The following NRCAM variants were observed in gnomAD, a reference collection of about 807,000 sequenced individuals.
The protein encoded by NRCAM is NgCAM-related cell adhesion molecule.
NRCAM carries 83 observed loss-of-function variants against 156.5 expected under a neutral mutation model. The ratio of observed to expected loss-of-function variants is 0.53; its 90% confidence interval spans 0.44 to 0.64. The LOEUF (loss-of-function observed/expected upper bound fraction) is 0.64, where lower values mean the gene tolerates loss of function less well. Among genes scored for constraint, NRCAM ranks in the 30% least tolerant of loss-of-function variants. NRCAM has a pLI of 0.00. For missense variants in NRCAM, 1,417 were observed against 1,597.3 expected, an observed-to-expected ratio of 0.89 and a Z score of 1.92; for synonymous variants, 538 against 563.9, an observed-to-expected ratio of 0.95 and a Z score of 0.65.
intron 2 of NRCAM, among the ~76,000 whole-genome samples, chr7:108,331,373 C>A (rs923555538): frequency 6.6e-6 from 1 of 151,902 alleles, no homozygotes; most frequent in African/African-American, 2.4e-5. Flanking sequence ...TGTACTCCAT[C>A]CTGGGCAACA....
intron 2 of NRCAM, 98 bp from the exon 3 acceptor site, chr7:108,312,829 G>A (rs2154184632): frequency 6.6e-6 from 1 of 152,208 alleles, no homozygotes; most frequent in South Asian, 2.1e-4. Flanking sequence ...TCTCTTATGG[G>A]AAACACAATT....
chr7:108,298,771 G>C (rs1399186814), intron 3 of NRCAM, among the ~76,000 whole-genome samples: 1 of 151,552 alleles, frequency 6.6e-6, no homozygotes, highest in Non-Finnish European at 1.5e-5. Flanking sequence ...TCCTTCCTTT[G>C]TCTCTCTTCA....
intron 1 of NRCAM, among the ~76,000 whole-genome samples, chr7:108,422,632 A>C (rs1396757249): frequency 6.6e-6 from 1 of 152,172 alleles, no homozygotes; most frequent in Non-Finnish European, 1.5e-5. Flanking sequence ...CTCAATCAAA[A>C]AGAAAAGGGC....
intron 2 of NRCAM, among the ~76,000 whole-genome samples, chr7:108,343,979 G>A (rs2099323754): frequency 6.6e-6 from 1 of 152,168 alleles, no homozygotes; most frequent in African/African-American, 2.4e-5. Flanking sequence ...CCATGACTAA[G>A]ATCTACCATG....
chr7:108,355,036 T>C lies in NRCAM; in HGVS notation c.-173-42305A>G, dbSNP rs144289021. On this transcript the variant is annotated intron_variant, in intron 2 of 32. Transcript: ENST00000379028. ...CTATTGTGTAGAAAATTATAAACTT[T>C]TATTGAAGGGTTTTAGAGAGCTCTG... Among the ~76,000 whole-genome samples, 314 of 152,326 alleles carry C rather than the reference T, an allele frequency of 2.1e-3. 1 individual carries two copies. Among genetic ancestry groups the C allele is most frequent in the African/African-American group, 7.2e-3 (300 of 41,568 alleles).
At chr7:108,244,017 C>T (rs1364780417) in intron 3 of NRCAM, among the ~76,000 whole-genome samples, 4 of 152,190 alleles carry the variant, frequency 2.6e-5, no homozygotes, top group Non-Finnish European at 4.4e-5. Flanking sequence ...AAAGGATTCA[C>T]ATCAAGCCTG....
At chr7:108,270,244 A>G (rs186084338) in intron 3 of NRCAM, among the ~76,000 whole-genome samples, 1 of 152,236 alleles carries the variant, frequency 6.6e-6, no homozygotes, top group East Asian at 1.9e-4. Flanking sequence ...TTTCTGGTAC[A>G]TCCTGGATTC....
rs181917438 is a variant in NRCAM, at chr7:108,221,370, G to C, written c.890+2355C>G. On this transcript the variant is annotated intron_variant, in intron 11 of 32. Coordinates refer to ENST00000379028, the MANE Select transcript of NRCAM (RefSeq NM_001037132.4). ...TGGGTATCTACCCAGAGGAAAAGAA[G>C]TCATTATACAGAAAAGATACTTGCA... Among the ~76,000 whole-genome samples, 86 of 152,232 alleles carry C rather than the reference G, an allele frequency of 5.6e-4. 1 individual carries two copies. Among genetic ancestry groups the C allele is most frequent in the Non-Finnish European group, 8.2e-4 (56 of 68,010 alleles).
intron 8 of NRCAM, among the ~76,000 whole-genome samples, chr7:108,226,918 C>T (rs1295417160): frequency 6.6e-6 from 1 of 152,144 alleles, no homozygotes; most frequent in Non-Finnish European, 1.5e-5. Flanking sequence ...AATCAGGCAG[C>T]AAATGGCCAG....
chr7:108,212,566 A>G (rs2085209503), intron 11 of NRCAM, among the ~76,000 whole-genome samples: 1 of 152,184 alleles, frequency 6.6e-6, no homozygotes, highest in Non-Finnish European at 1.5e-5. Flanking sequence ...TCAAAACTTC[A>G]GGAAACATTG....
At chr7:108,396,848 A>T (rs1189593635) in intron 2 of NRCAM, among the ~76,000 whole-genome samples, 1 of 152,214 alleles carries the variant, frequency 6.6e-6, no homozygotes, top group Non-Finnish European at 1.5e-5. Flanking sequence ...ATTCTGTTCC[A>T]ATCTTTCATT....
chr7:108,306,702 T>C (rs2098719527), intron 3 of NRCAM, among the ~76,000 whole-genome samples: 1 of 152,112 alleles, frequency 6.6e-6, no homozygotes, highest in South Asian at 2.1e-4. Flanking sequence ...GAAACAAACA[T>C]GTTATTTAAT....
chr7:108,199,119 T>G (rs532522632), intron 13 of NRCAM, among the ~76,000 whole-genome samples: 3 of 152,356 alleles, frequency 2.0e-5, no homozygotes, highest in African/African-American at 7.2e-5. Flanking sequence ...CTCCTGCAAC[T>G]TGAAGCATTT....
Position 108,225,683 on chromosome 7 carries a change from G to T in NRCAM, c.740C>A (p.Thr247Asn), listed in dbSNP as rs1356778478. The T allele has an allele frequency of 3.1e-6, 5 of 1,599,436 alleles. No individual in the cohort carries two copies. The highest frequency in any genetic ancestry group is 4.3e-6 in the Non-Finnish European group (5 of 1,166,920). Residue 247 changes from threonine (T) to asparagine (N), a missense_variant, in exon 10 of 33, where the codon ACT becomes AAT. Thr to Asn is a moderately conservative substitution (Grantham distance 65). Transcript: ENST00000379028. ...KVISVDELND[T>N]IAANLSDTEF... Reference sequence around the variant, plus strand: ...AGTGTCACTCAAATTAGCAGCTATAGTGTCATTCAATTCATCCACTGAAAT... The same window carrying T: ...AGTGTCACTCAAATTAGCAGCTATATTGTCATTCAATTCATCCACTGAAAT...
At chr7:108,183,626 T>C (rs938564196) in intron 22 of NRCAM, among the ~76,000 whole-genome samples, 1 of 151,518 alleles carries the variant, frequency 6.6e-6, no homozygotes, top group African/African-American at 2.4e-5. Flanking sequence ...AACCTCCGCC[T>C]CCTGGGTTCA....
At chr7:108,360,101 T>C (rs190405837) in intron 2 of NRCAM, among the ~76,000 whole-genome samples, 136 of 152,346 alleles carry the variant, frequency 8.9e-4, no homozygotes, top group African/African-American at 3.1e-3. Context: ...ATGGAGGCCT[T>C]TGAAAATGTA....
chr7:108,225,811 C>G, intron 9 of NRCAM, 110 bp from the exon 10 acceptor site: 1 of 769,674 alleles, frequency 1.3e-6, no homozygotes, highest in Non-Finnish European at 2.4e-6. Context: ...AGTGCTGTTC[C>G]TATCAAGTAA....
chr7:108,349,169 T>G (rs1022984645), intron 2 of NRCAM, among the ~76,000 whole-genome samples: 4 of 152,150 alleles, frequency 2.6e-5, no homozygotes, highest in African/African-American at 9.7e-5. Flanking sequence ...AGTTTTAGGT[T>G]GGTTGTATTG....
At chr7:108,238,654 A>G (rs1004086463) in intron 4 of NRCAM, among the ~76,000 whole-genome samples, 3 of 152,140 alleles carry the variant, frequency 2.0e-5, no homozygotes, top group Admixed American at 6.6e-5. Flanking sequence ...ATAAGAGAGA[A>G]CAAAAGCATT....
Sources: allele counts gnomAD v4.1 joint callset (sites outside exome capture counted in the v4.1 genomes callset), GRCh38; gene constraint gnomAD v4.1.1; transcripts MANE v1.5; gene names NCBI Gene and HGNC (gene_info 2026-07-23, HGNC 2026-07-21).